The following CDH4 variants were observed in gnomAD, a reference collection of about 807,000 sequenced individuals.
CDH4 encodes the protein cadherin 4.
In CDH4, 33 loss-of-function variants were observed where a neutral mutation model predicts 86.0. That is an observed-to-expected ratio of 0.38 (90% CI 0.29 to 0.51). CDH4 has a LOEUF of 0.51. Ranked by LOEUF, CDH4 falls within the 20% of genes least tolerant of loss-of-function variation. CDH4 has a pLI of 0.86. For synonymous variants in CDH4, 555 were observed against 549.4 expected (o/e 1.01, Z -0.14); for missense variants, 1,114 against 1,307.4 (o/e 0.85, Z 2.28).
chr20:61,276,654 G>A (rs2084233370), intron 2 of CDH4, among the ~76,000 whole-genome samples: 1 of 152,310 alleles, frequency 6.6e-6, no homozygotes, highest in East Asian at 1.9e-4. Context: ...TTGTGGCCAA[G>A]TCAGCTGTTT....
At chr20:61,793,982 C>CAAA (rs60192209) in intron 4 of CDH4, among the ~76,000 whole-genome samples, 36 of 142,564 alleles carry the variant, frequency 2.5e-4, no homozygotes, top group African/African-American at 4.7e-4. Context: ...ACTAAAAATA[C>CAAA]AAAAAAAAAA....
intron 2 of CDH4, among the ~76,000 whole-genome samples, chr20:61,304,050 A>T (rs1005768133): frequency 2.6e-5 from 4 of 152,218 alleles, no homozygotes; most frequent in African/African-American, 9.6e-5. Flanking sequence ...CTGGGTGGTG[A>T]TGTCCCCAGT....
intron 2 of CDH4, among the ~76,000 whole-genome samples, chr20:61,398,871 A>G (rs2085033473): frequency 6.6e-6 from 1 of 152,212 alleles, no homozygotes; most frequent in Non-Finnish European, 1.5e-5. Context: ...TGCCCAGAGC[A>G]GGACTCTCAC....
intron 2 of CDH4, among the ~76,000 whole-genome samples, chr20:61,546,013 A>T (rs112594839): frequency 5.1e-4 from 3 of 5,880 alleles, no homozygotes; most frequent in East Asian, 6.7e-3. Flanking sequence ...TGGAGGGGGT[A>T]TGTGGGATAC....
At chr20:61,462,253 G>A (rs1326444556) in intron 2 of CDH4, among the ~76,000 whole-genome samples, 1 of 152,184 alleles carries the variant, frequency 6.6e-6, no homozygotes, top group East Asian at 1.9e-4. Flanking sequence ...TTTCATTGGA[G>A]TTCTCTTGAA....
chr20:61,606,165 T>C (rs1163062863), intron 2 of CDH4, among the ~76,000 whole-genome samples: 1 of 152,086 alleles, frequency 6.6e-6, no homozygotes, highest in Non-Finnish European at 1.5e-5. Flanking sequence ...GCAGGGCACC[T>C]CCCCCTGTGG....
At chr20:61,790,186 TCCATCCACTCAA>T (rs1388392040) in intron 4 of CDH4, among the ~76,000 whole-genome samples, 5 of 151,896 alleles carry the variant, frequency 3.3e-5, no homozygotes, top group African/African-American at 4.8e-5. Flanking sequence ...CATTCATCCA[TCCATCCACTCAA>T]CCATCCACCC....
At chr20:61,564,695 A>G (rs913739146) in intron 2 of CDH4, among the ~76,000 whole-genome samples, 1 of 152,206 alleles carries the variant, frequency 6.6e-6, no homozygotes, top group African/African-American at 2.4e-5. Context: ...GTATTTATTT[A>G]TAGTAATGCA....
chr20:61,747,452 A>C (rs1291795326), intron 3 of CDH4, among the ~76,000 whole-genome samples: 1 of 151,710 alleles, frequency 6.6e-6, no homozygotes, highest in African/African-American at 2.4e-5. Context: ...TCTCAAAAAA[A>C]AAAAAAAAAA....
chr20:61,329,398 C>CCGTGG (rs1568799978), intron 2 of CDH4, among the ~76,000 whole-genome samples: 1 of 151,556 alleles, frequency 6.6e-6, no homozygotes, highest in Admixed American at 6.6e-5. Flanking sequence ...CAGTGTGCTG[C>CCGTGG]AGTGGATTGC....
chr20:61,456,347 C>G (rs180806691), intron 2 of CDH4, among the ~76,000 whole-genome samples: 2 of 152,318 alleles, frequency 1.3e-5, no homozygotes, highest in East Asian at 3.9e-4. Context: ...GTTTAAGAAT[C>G]TGAGGTTTTA....
intron 2 of CDH4, among the ~76,000 whole-genome samples, chr20:61,464,473 G>A (rs1395960140): frequency 6.6e-6 from 1 of 152,196 alleles, no homozygotes; most frequent in East Asian, 1.9e-4. Flanking sequence ...GACCAGAATA[G>A]CTTCGTTTAT....
intron 2 of CDH4, among the ~76,000 whole-genome samples, chr20:61,565,366 G>GGGGTGGCGGTGCTCT (rs2086286378): frequency 2.5e-5 from 1 of 39,638 alleles, no homozygotes. Flanking sequence ...TGGGGTGATG[G>GGGGTGGCGGTGCTCT]TGGTGGTGGT....
At chr20:61,857,232 C>T (rs997555314) in intron 6 of CDH4, among the ~76,000 whole-genome samples, 22 of 152,240 alleles carry the variant, frequency 1.4e-4, no homozygotes, top group Admixed American at 7.8e-4. Flanking sequence ...GTGGGCGGCG[C>T]GTGTGCGTTC....
intron 6 of CDH4, among the ~76,000 whole-genome samples, chr20:61,870,716 G>A (rs1983767835): frequency 6.6e-6 from 1 of 152,158 alleles, no homozygotes; most frequent in African/African-American, 2.4e-5. Flanking sequence ...GCCAAATGCG[G>A]TCACCACCGA....
intron 2 of CDH4, chr20:61,719,889 G>T (rs2088012030): frequency 6.6e-6 from 1 of 152,232 alleles, no homozygotes; most frequent in Non-Finnish European, 1.5e-5. Context: ...AGGCGCGGCT[G>T]GTGGGGAAGC....
At chr20:61,791,097 G>A (rs548372156) in intron 4 of CDH4, among the ~76,000 whole-genome samples, 19 of 152,334 alleles carry the variant, frequency 1.2e-4, no homozygotes, top group African/African-American at 3.8e-4. Context: ...TCAAGTAAAC[G>A]AAAAACCGAA....
intron 2 of CDH4, among the ~76,000 whole-genome samples, chr20:61,642,503 C>T (rs184626217): frequency 6.6e-6 from 1 of 152,310 alleles, no homozygotes; most frequent in East Asian, 1.9e-4. Flanking sequence ...CAGGTTGTAT[C>T]TGCAGGCGAG....
In CDH4 at chr20:61,499,465, G is replaced by A. The variant is rs188263967; in HGVS notation, c.170-244098G>A. The A allele has an allele frequency of 3.9e-5, 50 of 1,289,098 alleles. No homozygotes were observed. The East Asian group carries it at 4.4e-4, about 11-fold the overall frequency. 79.9% of individuals were successfully genotyped at this position (1,289,098 alleles called of 1,614,324 possible). A position where few individuals can be genotyped will look rare whatever the true frequency, so the allele number is the denominator to read the frequency against. On this transcript the variant is annotated intron_variant, in intron 2 of 15. Coordinates refer to ENST00000614565, the MANE Select transcript of CDH4 (RefSeq NM_001794.5). ...CGGCAGCTGTGACTTCATTCTCAGC[G>A]CCTCCTTTCTACCCTGCTTTAAAGA...
Sources: allele counts gnomAD v4.1 joint callset (sites outside exome capture counted in the v4.1 genomes callset), GRCh38; gene constraint gnomAD v4.1.1; transcripts MANE v1.5; gene names NCBI Gene and HGNC (gene_info 2026-07-23, HGNC 2026-07-21).